SCUBE3: variants seen among roughly 807,000 people sequenced by gnomAD.
The protein encoded by SCUBE3 is signal peptide, CUB domain and EGF like domain containing 3, also known as signal peptide, CUB and EGF-like domain-containing protein 3.
SCUBE3 carries 33 observed loss-of-function variants against 116.8 expected under a neutral mutation model. The ratio of observed to expected loss-of-function variants is 0.28; its 90% CI spans 0.21 to 0.38. SCUBE3 has a LOEUF of 0.38. Ranked by LOEUF, SCUBE3 falls within the 10% of genes least tolerant of loss-of-function variation. The pLI, the probability that SCUBE3 is intolerant of heterozygous loss-of-function variation, is 1.00. For missense variants in SCUBE3, 1,007 were observed against 1,324.8 expected, an observed-to-expected ratio of 0.76 and a Z score of 3.72; for synonymous variants, 418 against 496.9, an observed-to-expected ratio of 0.84 and a Z score of 2.11.
At position 35,214,457 on chromosome 6, in the gene SCUBE3, C is replaced by A; in HGVS notation, c.39C>A (p.Val13=). The change falls in exon 1 of 22, where the codon GTC becomes GTA. Residue 13 remains valine, a synonymous_variant. Coordinates refer to ENST00000274938, the MANE Select transcript of SCUBE3 (RefSeq NM_152753.4). The surrounding 1 kb of genome is among the most constrained non-coding windows in gnomAD (Gnocchi z 6.3). ...GCGTACCCGGGCTCTGCCTGCTTGT[C>A]CTGCTGGTCCACGCCCGCGCCGCCC... ...SGRVPGLCLL[V]LLVHARAAQY... is the part of the protein sequence containing the mutation. 2 of 1,508,612 alleles carry A rather than the reference C, an allele frequency of 1.3e-6. No individual in the cohort carries two copies. The highest frequency in any genetic ancestry group is 8.8e-7 in the Non-Finnish European group (1 of 1,133,734). 93.5% of individuals were successfully genotyped at this position (1,508,612 alleles called of 1,614,324 possible). A position where few individuals can be genotyped will look rare whatever the true frequency, so the allele number is the denominator to read the frequency against.
intron 1 of SCUBE3, among the ~76,000 whole-genome samples, chr6:35,226,168 AGGCTATCT>A (rs1348837090): frequency 6.6e-6 from 1 of 152,212 alleles, no homozygotes; most frequent in African/African-American, 2.4e-5. Context: ...GCACCAGTCC[AGGCTATCT>A]GACCAGAATC....
rs1271813411 is a variant in SCUBE3 at position 35,219,672 on chromosome 6, T to TGG, written c.85+5172_85+5173dup. Among the ~76,000 whole-genome samples the TGG allele has an allele frequency of 6.7e-6, 1 of 148,370 alleles. No homozygotes were observed. The highest frequency in any genetic ancestry group is 2.5e-5 in the African/African-American group (1 of 39,806). On this transcript the variant is annotated intron_variant, in intron 1 of 21. Transcript: ENST00000274938. The surrounding 1 kb of genome is among the most constrained non-coding windows in gnomAD (Gnocchi z 4.7). ...CACATCTAAGGAATCCCTCTGAAAGTGGGGAGTATCAGGATATGTGGGCAT... is the reference window on the plus strand; with the variant it reads ...CACATCTAAGGAATCCCTCTGAAAGTGGGGGGAGTATCAGGATATGTGGGCAT...
chr6:35,227,470 A>G lies in SCUBE3; in HGVS notation c.86-110A>G. ...ACAGCACCTGTTTCTGGAGGGGGTC[A>G]CTGCCTCTGTTTTAGAGAAGAGGGG... On this transcript the variant is annotated intron_variant, in intron 1 of 21. Coordinates refer to ENST00000274938, the MANE Select transcript of SCUBE3 (RefSeq NM_152753.4). 6.1e-6 allele frequency: 7 copies of G among 1,143,550 alleles called. No homozygotes were observed. In the South Asian group the frequency reaches 9.3e-5, roughly 15 times the overall value. The allele number at this position is 1,143,550 out of a possible 1,614,324, so 70.8% of individuals were successfully genotyped here. A position where few individuals can be genotyped will look rare whatever the true frequency, so the allele number is the denominator to read the frequency against.
Position 35,241,950 on chromosome 6 carries a change from C to G in SCUBE3, c.1417+40C>G, listed in dbSNP as rs762883932. ...AGAAGCCCTGTTCCCACCCTACTCT[C>G]TTACATTAATCCCTTATTTTTGTTC... On this transcript the variant is annotated intron_variant, in intron 12 of 21. Coordinates refer to ENST00000274938, the MANE Select transcript of SCUBE3 (RefSeq NM_152753.4). This position sits in a 1 kb window ranked among gnomAD's most constrained non-coding sequence, Gnocchi z 4.1. The G allele has an allele frequency of 3.7e-5, 49 of 1,337,108 alleles. No individual in the cohort carries two copies. The highest frequency in any genetic ancestry group is 3.0e-4 in the South Asian group (26 of 85,756). 82.8% of individuals were successfully genotyped at this position (1,337,108 alleles called of 1,614,324 possible).
chr6:35,228,482 G>T lies in SCUBE3; in HGVS notation c.209-132G>T. 1.2e-6 allele frequency: 1 copy of T among 819,026 alleles called. No homozygotes were observed. Among genetic ancestry groups the T allele is most frequent in the Non-Finnish European group, 1.8e-6 (1 of 546,374 alleles). The allele number at this position is 819,026 out of a possible 1,614,324, so 50.7% of individuals were successfully genotyped here. ...AAATGTTCATGACTTAGGTTTAAAT[G>T]AAAACAGAAAAATGCTAAATGGCTT... On this transcript the variant is annotated intron_variant, in intron 2 of 21. Transcript: ENST00000274938. This position sits in a 1 kb window ranked among gnomAD's most constrained non-coding sequence, Gnocchi z 4.9.
Position 35,248,944 on chromosome 6 carries a change from A to G in SCUBE3, c.*239A>G, listed in dbSNP as rs1784458790. On this transcript the variant is annotated 3_prime_UTR_variant, in exon 22 of 22. Coordinates refer to ENST00000274938, the MANE Select transcript of SCUBE3 (RefSeq NM_152753.4). ...AACACACTACCTAGAAAAGCCATTC[A>G]GTACTGGCTCTAGTCCCCGTGAGAT... 3.7e-6 allele frequency: 2 copies of G among 539,486 alleles called. No individual in the cohort carries two copies. The highest frequency in any genetic ancestry group is 5.0e-4 in the Middle Eastern group (1 of 1,988). The allele number at this position is 539,486 out of a possible 1,614,324, so 33.4% of individuals were successfully genotyped here. A position where few individuals can be genotyped will look rare whatever the true frequency, so the allele number is the denominator to read the frequency against.
Position 35,227,693 on chromosome 6 carries a change from C to T in SCUBE3, c.199C>T (p.His67Tyr). 5 of 1,614,136 alleles carry T rather than the reference C, an allele frequency of 3.1e-6. No individual in the cohort carries two copies. Among genetic ancestry groups the T allele is most frequent in the Non-Finnish European group, 4.2e-6 (5 of 1,180,008 alleles). The stretch of plus-strand genomic sequence containing the variant: ...GTCTGGCTACACAGGGGACGGCAAA[C>T]ACTGCAAAGGTGAGGCTGGAAGGGC... ...CKSGYTGDGK[H>Y]CKDVDECERE... The change falls in exon 2 of 22, where the codon CAC becomes TAC. Residue 67 changes from histidine (H) to tyrosine (Y), a missense_variant. His to Tyr is a moderately conservative substitution (Grantham distance 83). This residue lies in a region of SCUBE3 where 94 missense variants were observed against 92.0 expected (regional missense o/e 1.02). Coordinates refer to ENST00000274938, the MANE Select transcript of SCUBE3 (RefSeq NM_152753.4).
rs754106088 is a variant in SCUBE3, at chr6:35,244,839, GGGA to G, written c.2401+33_2401+35del. 3.1e-6 allele frequency: 5 copies of G among 1,611,132 alleles called. No individual in the cohort carries two copies. Among genetic ancestry groups the G allele is most frequent in the Middle Eastern group, 1.6e-4 (1 of 6,070 alleles). On this transcript the variant is annotated intron_variant, in intron 18 of 21. Transcript: ENST00000274938. The surrounding 1 kb of genome is among the most constrained non-coding windows in gnomAD (Gnocchi z 4.3). ...ACGTGGCAAGCCAGGCTGTGCAAAA[GGGA>G]GGAGAGAGGCCTGGGAGCAGTGGAC...
At chr6:35,218,308 C>T (rs1396190248) in intron 1 of SCUBE3, among the ~76,000 whole-genome samples, 1 of 151,986 alleles carries the variant, frequency 6.6e-6, no homozygotes, top group Non-Finnish European at 1.5e-5. Flanking sequence ...GGAAGTGGGG[C>T]AATATGCATT....
At chr6:35,223,522 A>G (rs1783191679) in intron 1 of SCUBE3, 1 of 152,210 alleles carries the variant, frequency 6.6e-6, no homozygotes, top group Non-Finnish European at 1.5e-5. Flanking sequence ...AGGAAGACAG[A>G]TAGTAGCCAC....
chr6:35,223,523 T>C (rs983011447), intron 1 of SCUBE3: 9 of 152,210 alleles, frequency 5.9e-5, no homozygotes, highest in Non-Finnish European at 1.0e-4. Flanking sequence ...GGAAGACAGA[T>C]AGTAGCCACA....
Position 35,243,015 on chromosome 6 carries a change from C to T in SCUBE3, c.1694-6C>T, listed in dbSNP as rs1281169162. 3 of 1,613,516 alleles carry T rather than the reference C, an allele frequency of 1.9e-6. No homozygotes were observed. The highest frequency in any genetic ancestry group is 1.3e-5 in the African/African-American group (1 of 74,942). On this transcript the variant is annotated splice_polypyrimidine_tract_variant and splice_region_variant and intron_variant, in intron 14 of 21. Coordinates refer to ENST00000274938, the MANE Select transcript of SCUBE3 (RefSeq NM_152753.4). The surrounding 1 kb of genome is among the most constrained non-coding windows in gnomAD (Gnocchi z 6.6). Reference sequence around the variant, plus strand: ...CTCCCTGATACACACGGCCATCCACCACCAGCCAGCTGTGGGCTGCCCTGC... The same window carrying T: ...CTCCCTGATACACACGGCCATCCACTACCAGCCAGCTGTGGGCTGCCCTGC...
In SCUBE3 at chr6:35,240,341, C is replaced by T; in HGVS notation, c.953-33C>T. ...TGAGCAAGGGTCAAGTGCTCCAAGA[C>T]AGATTCAGTGGCTTGAATCTTTGCT... On this transcript the variant is annotated intron_variant, in intron 8 of 21. Transcript: ENST00000274938. The surrounding 1 kb of genome is among the most constrained non-coding windows in gnomAD (Gnocchi z 4.6). The T allele has an allele frequency of 7.3e-6, 10 of 1,367,740 alleles. No individual in the cohort carries two copies. The highest frequency in any genetic ancestry group is 1.0e-5 in the Non-Finnish European group (10 of 972,948). 84.7% of individuals were successfully genotyped at this position (1,367,740 alleles called of 1,614,324 possible).
chr6:35,222,481 G>A (rs1339417046), intron 1 of SCUBE3: 1 of 152,292 alleles, frequency 6.6e-6, no homozygotes, highest in Non-Finnish European at 1.5e-5. Context: ...AATGTCAGAT[G>A]GTACTGGGAA....
At chr6:35,246,364 C>T (rs1198169405) in intron 21 of SCUBE3, 79 bp downstream of exon 21, 1 of 1,008,222 alleles carries the variant, frequency 9.9e-7, no homozygotes, top group Non-Finnish European at 1.6e-6. Flanking sequence ...TAAGTGCTTA[C>T]ATGAATATTC....
At chr6:35,236,699 G>A (rs1319000122) in intron 6 of SCUBE3, among the ~76,000 whole-genome samples, 1 of 152,184 alleles carries the variant, frequency 6.6e-6, no homozygotes, top group African/African-American at 2.4e-5. Flanking sequence ...CCTGAGTGTG[G>A]GGAGTCAGAG....
chr6:35,235,732 C>T lies in SCUBE3; in HGVS notation c.713-2170C>T, dbSNP rs77576135. Reference sequence around the variant, plus strand: ...CGTCTTTGTTCCTGTCACTCTCCTTCTGCCCTTCCTCTTCTGCTGTCTCCT... The same window carrying T: ...CGTCTTTGTTCCTGTCACTCTCCTTTTGCCCTTCCTCTTCTGCTGTCTCCT... On this transcript the variant is annotated intron_variant, in intron 6 of 21. Transcript: ENST00000274938. This position sits in a 1 kb window ranked among gnomAD's most constrained non-coding sequence, Gnocchi z 4.5. Among the ~76,000 whole-genome samples, 1 of 152,280 alleles carries T rather than the reference C, an allele frequency of 6.6e-6. No homozygotes were observed. The highest frequency in any genetic ancestry group is 1.9e-4 in the East Asian group (1 of 5,178).
intron 1 of SCUBE3, chr6:35,221,258 G>T (rs1183319324): frequency 1.3e-5 from 2 of 152,164 alleles, no homozygotes; most frequent in African/African-American, 4.8e-5. Context: ...AAGACCCTGA[G>T]ACCCTATGAC....
In SCUBE3 at chr6:35,245,418, A is replaced by G. The variant is rs1362167351; in HGVS notation, c.2592A>G (p.Arg864=). 1.3e-5 allele frequency: 21 copies of G among 1,613,896 alleles called. No homozygotes were observed. Among genetic ancestry groups the G allele is most frequent in the East Asian group, 2.2e-5 (1 of 44,890 alleles). Residue 864 remains arginine (R), a synonymous_variant, in exon 19 of 22, where the codon AGA becomes AGG. Transcript: ENST00000274938. The surrounding 1 kb of genome is among the most constrained non-coding windows in gnomAD (Gnocchi z 4.2). ...EDECGDVLVM[R]KNSSPSSITT... ...AGTGTGGGGACGTCCTCGTCATGAG[A>G]AAGAACTGTGGGTGGCTTGCAGAGC...
Sources: gnomAD v4.1 joint callset for allele counts (sites outside exome capture counted in the v4.1 genomes callset) on GRCh38, gnomAD v4.1.1 for gene constraint, gnomAD v4.1.1 regional missense constraint, Gnocchi (gnomAD v3.1) non-coding constraint, MANE v1.5 for transcripts, NCBI Gene and HGNC (gene_info 2026-07-23, HGNC 2026-07-21) for gene names.